COL15A1: variants seen among roughly 807,000 people sequenced by gnomAD.
The protein encoded by COL15A1 is collagen alpha-1(XV) chain.
COL15A1 carries 111 observed loss-of-function variants against 165.9 expected under a neutral mutation model. The ratio of observed to expected loss-of-function variants is 0.67; its 90% confidence interval spans 0.57 to 0.78. The LOEUF (loss-of-function observed/expected upper bound fraction) is 0.78, where lower values mean the gene tolerates loss of function less well. COL15A1 is among the 30% of genes least tolerant of loss of function. The pLI is 0.00. For synonymous variants in COL15A1, 659 were observed against 674.8 expected (o/e 0.98, Z 0.36); for missense variants, 1,745 against 1,789.7 (o/e 0.98, Z 0.45).
intron 2 of COL15A1, among the ~76,000 whole-genome samples, chr9:98,982,261 G>A (rs1309422555): frequency 6.6e-6 from 1 of 152,110 alleles, no homozygotes; most frequent in Admixed American, 6.5e-5. Flanking sequence ...TGGGACTACA[G>A]GCACACATGA....
intron 2 of COL15A1, among the ~76,000 whole-genome samples, chr9:98,955,596 T>C (rs1837764411): frequency 6.6e-6 from 1 of 152,244 alleles, no homozygotes; most frequent in Non-Finnish European, 1.5e-5. Context: ...CCATCCACTG[T>C]GCAGGATGAT....
At chr9:99,031,168 G>A (rs1329901758) in intron 16 of COL15A1, among the ~76,000 whole-genome samples, 2 of 152,272 alleles carry the variant, frequency 1.3e-5, no homozygotes, top group South Asian at 2.1e-4. Flanking sequence ...CTTATGGAGG[G>A]CTTTGCTCGC....
chr9:99,034,461 T>G (rs1192109065), intron 16 of COL15A1, 88 bp from the exon 17 acceptor site: 2 of 1,504,782 alleles, frequency 1.3e-6, no homozygotes, highest in African/African-American at 1.4e-5. Context: ...TCCTATTTCC[T>G]TGGAGTCCAT....
At chr9:98,987,921 T>C (rs368121974) in intron 4 of COL15A1, among the ~76,000 whole-genome samples, 40 of 152,220 alleles carry the variant, frequency 2.6e-4, no homozygotes, top group African/African-American at 9.4e-4. Context: ...CCAAATACAG[T>C]GGCAGAGCTG....
At chr9:99,028,738 T>C (rs77593019) in intron 16 of COL15A1, among the ~76,000 whole-genome samples, 2,818 of 152,200 alleles carry the variant, frequency 0.019, 102 homozygotes, top group East Asian at 0.13. Flanking sequence ...TTGGGTACAG[T>C]ATACACTGCT....
intron 2 of COL15A1, among the ~76,000 whole-genome samples, chr9:98,972,586 T>C (rs373587597): frequency 2.6e-5 from 4 of 152,344 alleles, no homozygotes; most frequent in African/African-American, 7.2e-5. Context: ...GGAAAGCCCT[T>C]TGAACAGCAC....
chr9:98,944,339 C>G, intron 2 of COL15A1, 89 bp downstream of exon 2: 1 of 1,280,870 alleles, frequency 7.8e-7, no homozygotes, highest in Non-Finnish European at 1.1e-6. Context: ...GCGATGCGTG[C>G]CTCATTCCTG....
intron 2 of COL15A1, among the ~76,000 whole-genome samples, chr9:98,962,459 G>C (rs117034632): frequency 6.6e-6 from 1 of 152,198 alleles, no homozygotes; most frequent in Non-Finnish European, 1.5e-5. Flanking sequence ...TCAGTGGTTG[G>C]TAATTTGTGG....
In COL15A1 at chr9:98,989,249, T is replaced by C; in HGVS notation, c.795T>C (p.Thr265=). Residue 265 remains threonine, a synonymous_variant, in exon 5 of 42, where the codon ACT becomes ACC. Coordinates refer to ENST00000375001, the MANE Select transcript of COL15A1 (RefSeq NM_001855.5). The part of the protein sequence containing the change: ...VAEILEAVTY[T]QASPKEAKVE... ...AGATCTTAGAAGCCGTCACCTACAC[T>C]CAAGCCTCGGTGAGTACTGGGATGC... 1 of 1,613,616 alleles carries C rather than the reference T, an allele frequency of 6.2e-7. No homozygotes were observed. Among genetic ancestry groups the C allele is most frequent in the South Asian group, 1.1e-5 (1 of 91,066 alleles).
intron 2 of COL15A1, among the ~76,000 whole-genome samples, chr9:98,960,639 T>C (rs561548537): frequency 1.5e-4 from 23 of 152,328 alleles, no homozygotes; most frequent in Middle Eastern, 3.4e-3. Flanking sequence ...TTCCAGGCTC[T>C]GCATGTATCA....
intron 39 of COL15A1, among the ~76,000 whole-genome samples, chr9:99,064,641 A>G (rs1438082121): frequency 6.6e-6 from 1 of 152,222 alleles, no homozygotes; most frequent in African/African-American, 2.4e-5. Flanking sequence ...CTGAGAAGCC[A>G]TAGCCAGAAA....
At chr9:99,032,661 G>A (rs960915244) in intron 16 of COL15A1, among the ~76,000 whole-genome samples, 8 of 152,114 alleles carry the variant, frequency 5.3e-5, no homozygotes, top group South Asian at 4.1e-4. Context: ...CAATTAAACC[G>A]ATGTTGGAAC....
chr9:99,020,296 C>A, intron 11 of COL15A1, 93 bp from the exon 12 acceptor site: 1 of 909,506 alleles, frequency 1.1e-6, no homozygotes, highest in Non-Finnish European at 1.8e-6. Context: ...ATGCCCAGCT[C>A]ACTGACCAGG....
chr9:99,063,539 G>A (rs1825850538), intron 39 of COL15A1, among the ~76,000 whole-genome samples: 1 of 152,210 alleles, frequency 6.6e-6, no homozygotes, highest in African/African-American at 2.4e-5. Flanking sequence ...GCAAGTGCTA[G>A]GTTTCAAGGG....
intron 2 of COL15A1, among the ~76,000 whole-genome samples, chr9:98,979,589 T>C (rs994199551): frequency 6.6e-6 from 1 of 152,200 alleles, no homozygotes; most frequent in African/African-American, 2.4e-5. Flanking sequence ...GTGATTTTTG[T>C]AGCAAATATC....
At chr9:99,000,024 T>A (rs1347694526) in intron 6 of COL15A1, among the ~76,000 whole-genome samples, 2 of 152,148 alleles carry the variant, frequency 1.3e-5, no homozygotes, top group Admixed American at 6.5e-5. Context: ...GCATGTGGAA[T>A]CACACCTGGC....
At chr9:99,032,734 T>C (rs1223158066) in intron 16 of COL15A1, among the ~76,000 whole-genome samples, 2 of 152,234 alleles carry the variant, frequency 1.3e-5, no homozygotes, top group Non-Finnish European at 2.9e-5. Context: ...TTTTACCCTC[T>C]TGTGTTGCTT....
chr9:99,033,634 A>G (rs1839246336), intron 16 of COL15A1, among the ~76,000 whole-genome samples: 2 of 152,162 alleles, frequency 1.3e-5, no homozygotes, highest in South Asian at 2.1e-4. Context: ...GAGCACGGCT[A>G]TTTTAGAACT....
At chr9:98,973,559 G>A (rs901876206) in intron 2 of COL15A1, among the ~76,000 whole-genome samples, 3 of 152,208 alleles carry the variant, frequency 2.0e-5, no homozygotes, top group African/African-American at 4.8e-5. Flanking sequence ...CTCAGGCACC[G>A]TGGATTGTGT....
Sources: gnomAD v4.1 joint callset for allele counts (sites outside exome capture counted in the v4.1 genomes callset) on GRCh38, gnomAD v4.1.1 for gene constraint, MANE v1.5 for transcripts, NCBI Gene and HGNC (gene_info 2026-07-23, HGNC 2026-07-21) for gene names.